Variants in L3MBTL4 observed in about 807,000 individuals in gnomAD.
The protein encoded by L3MBTL4 is L3MBTL histone methyl-lysine binding protein 4.
Under a neutral mutation model 84.5 loss-of-function variants are expected in L3MBTL4, and 70 were observed. The observed-to-expected ratio is 0.83, with a 90% CI of 0.68 to 1.01. The LOEUF is 1.01. Ranked by LOEUF, L3MBTL4 falls within the 50% of genes least tolerant of loss-of-function variation. The pLI, the probability that L3MBTL4 is intolerant of heterozygous loss-of-function variation, is 0.00. For synonymous variants in L3MBTL4, 274 were observed against 259.8 expected (o/e 1.05, Z -0.52); for missense variants, 715 against 754.8 (o/e 0.95, Z 0.62).
chr18:6,352,854 T>C (rs2053262563), intron 1 of L3MBTL4, among the ~76,000 whole-genome samples: 1 of 152,228 alleles, frequency 6.6e-6, no homozygotes, highest in Admixed American at 6.5e-5. Context: ...GAACTTTAAA[T>C]GGTCAAAAAT....
intron 14 of L3MBTL4, among the ~76,000 whole-genome samples, chr18:6,133,899 C>T (rs1243899363): frequency 6.6e-6 from 1 of 152,158 alleles, no homozygotes; most frequent in East Asian, 1.9e-4. Flanking sequence ...CCTCTAGGAA[C>T]ATTCAACTGG....
chr18:6,158,177 G>T (rs1334340059), intron 13 of L3MBTL4, among the ~76,000 whole-genome samples: 1 of 152,220 alleles, frequency 6.6e-6, no homozygotes, highest in Non-Finnish European at 1.5e-5. Context: ...AACACTAAGA[G>T]ATACCACCGT....
chr18:6,300,246 C>T lies in L3MBTL4; in HGVS notation c.127+1657G>A, dbSNP rs2050278630. ...AAAATATAAATTACCTCAAAAAGCC[C>T]TCAAATAATCCAATTTGCACGACAA... On this transcript the variant is annotated intron_variant, in intron 4 of 18. Transcript: ENST00000317931. 2.6e-5 allele frequency among the ~76,000 whole-genome samples: 4 copies of T among 152,144 alleles called. No individual in the cohort carries two copies. The South Asian group carries it at 8.3e-4, about 32-fold the overall frequency.
chr18:6,030,026 C>T, intron 16 of L3MBTL4: 2 of 985,454 alleles, frequency 2.0e-6, no homozygotes, highest in Non-Finnish European at 2.4e-6. Flanking sequence ...GGACTGGTCA[C>T]TTATAGTGTG....
chr18:6,264,721 T>C (rs766064410), intron 4 of L3MBTL4, among the ~76,000 whole-genome samples: 8 of 151,876 alleles, frequency 5.3e-5, no homozygotes, highest in Non-Finnish European at 1.2e-4. Flanking sequence ...GAGGTGGAGG[T>C]TGCAGTGAGC....
chr18:6,023,080 T>G (rs1286436718), intron 16 of L3MBTL4, among the ~76,000 whole-genome samples: 2 of 151,326 alleles, frequency 1.3e-5, no homozygotes, highest in Non-Finnish European at 2.9e-5. Flanking sequence ...AAGGCATGCC[T>G]GGTAGGAGGC....
At chr18:6,232,911 A>G (rs2047056904) in intron 10 of L3MBTL4, among the ~76,000 whole-genome samples, 1 of 152,206 alleles carries the variant, frequency 6.6e-6, no homozygotes, top group South Asian at 2.1e-4. Flanking sequence ...CATTATTTAT[A>G]AGAACTCAAT....
intron 4 of L3MBTL4, among the ~76,000 whole-genome samples, chr18:6,280,299 C>A (rs1340814831): frequency 2.0e-5 from 3 of 152,186 alleles, no homozygotes; most frequent in Non-Finnish European, 4.4e-5. Context: ...TTCGAAGCAG[C>A]CAGTGAAGAG....
At chr18:6,355,508 A>T (rs2053401901) in intron 1 of L3MBTL4, among the ~76,000 whole-genome samples, 1 of 152,098 alleles carries the variant, frequency 6.6e-6, no homozygotes. Context: ...TTTTGTCTAC[A>T]AAGCACTTCA....
chr18:6,374,930 T>A (rs1376102654), intron 1 of L3MBTL4, among the ~76,000 whole-genome samples: 1 of 152,232 alleles, frequency 6.6e-6, no homozygotes, highest in East Asian at 1.9e-4. Context: ...AGTATTTAAA[T>A]GAAATTCATT....
chr18:6,199,612 C>A (rs556207933), intron 12 of L3MBTL4, among the ~76,000 whole-genome samples: 1 of 152,030 alleles, frequency 6.6e-6, no homozygotes, highest in Non-Finnish European at 1.5e-5. Flanking sequence ...TGCCATGAGA[C>A]GGGAAGAAAG....
At chr18:6,165,270 C>T (rs1486487018) in intron 13 of L3MBTL4, among the ~76,000 whole-genome samples, 2 of 152,096 alleles carry the variant, frequency 1.3e-5, no homozygotes, top group Non-Finnish European at 2.9e-5. Context: ...GGATATTATC[C>T]AGGAGAACTT....
At chr18:6,238,368 C>T (rs1037515438) in intron 9 of L3MBTL4, among the ~76,000 whole-genome samples, 3 of 152,132 alleles carry the variant, frequency 2.0e-5, no homozygotes, top group Non-Finnish European at 2.9e-5. Context: ...CCCGTCTCCA[C>T]TAAAAATACA....
intron 14 of L3MBTL4, among the ~76,000 whole-genome samples, chr18:6,113,899 A>G (rs76662260): frequency 0.045 from 6,919 of 152,302 alleles, 158 homozygotes; most frequent in Non-Finnish European, 0.052. Context: ...CTGGAATACA[A>G]TGTCATCACT....
intron 13 of L3MBTL4, among the ~76,000 whole-genome samples, chr18:6,144,196 C>CAAAAA (rs35746580): frequency 0.093 from 5,414 of 57,960 alleles, 389 homozygotes; most frequent in Non-Finnish European, 0.12. Context: ...ACTCCATCTC[C>CAAAAA]AAAAAAAAAA....
intron 10 of L3MBTL4, among the ~76,000 whole-genome samples, chr18:6,226,957 T>C (rs564455754): frequency 6.6e-6 from 1 of 152,124 alleles, no homozygotes; most frequent in South Asian, 2.1e-4. Flanking sequence ...AATAGGTAAA[T>C]TGTAGGTTAA....
At chr18:6,105,670 G>A (rs985380854) in intron 14 of L3MBTL4, among the ~76,000 whole-genome samples, 1 of 151,594 alleles carries the variant, frequency 6.6e-6, no homozygotes, top group Non-Finnish European at 1.5e-5. Flanking sequence ...AGTGATGGCG[G>A]GTGCCTGTAA....
chr18:6,269,024 T>C (rs2048754030), intron 4 of L3MBTL4, among the ~76,000 whole-genome samples: 2 of 152,220 alleles, frequency 1.3e-5, no homozygotes, highest in African/African-American at 4.8e-5. Context: ...TAGACACCGC[T>C]GACTCACTCT....
chr18:6,197,793 C>T (rs888874311), intron 12 of L3MBTL4, among the ~76,000 whole-genome samples: 7 of 152,210 alleles, frequency 4.6e-5, no homozygotes, highest in African/African-American at 1.7e-4. Flanking sequence ...AGCCAAGGTT[C>T]CTGCCAGACC....
Sources: gnomAD v4.1 joint callset for allele counts (sites outside exome capture counted in the v4.1 genomes callset) on GRCh38, gnomAD v4.1.1 for gene constraint, MANE v1.5 for transcripts, NCBI Gene and HGNC (gene_info 2026-07-23, HGNC 2026-07-21) for gene names.